The following KHDRBS2 variants were observed in gnomAD, a reference collection of about 807,000 sequenced individuals.
KHDRBS2 encodes KH domain-containing, RNA-binding, signal transduction-associated protein 2.
KHDRBS2 carries 26 observed loss-of-function variants against 44.3 expected under a neutral mutation model. That is an observed-to-expected ratio of 0.59 (90% CI 0.43 to 0.81). The LOEUF (loss-of-function observed/expected upper bound fraction) is 0.81, where lower values mean the gene tolerates loss of function less well. Ranked by LOEUF, KHDRBS2 falls within the 40% of genes least tolerant of loss-of-function variation. The pLI is 0.00. For missense variants in KHDRBS2, 476 were observed against 433.1 expected, an observed-to-expected ratio of 1.10 and a Z score of -0.88; for synonymous variants, 194 against 151.1, an observed-to-expected ratio of 1.28 and a Z score of -2.08.
At chr6:62,193,539 G>C (rs1239077721) in intron 1 of KHDRBS2, among the ~76,000 whole-genome samples, 1 of 152,106 alleles carries the variant, frequency 6.6e-6, no homozygotes, top group Non-Finnish European at 1.5e-5. Flanking sequence ...TCTAGGAAAA[G>C]ATTATACATC....
At chr6:61,763,255 G>A (rs140212734) in intron 6 of KHDRBS2, among the ~76,000 whole-genome samples, 107 of 152,180 alleles carry the variant, frequency 7.0e-4, no homozygotes, top group African/African-American at 2.3e-3. Flanking sequence ...TTCCACCTTG[G>A]GGATTTGAAA....
intron 2 of KHDRBS2, among the ~76,000 whole-genome samples, chr6:62,116,163 T>C (rs1207466211): frequency 6.6e-6 from 1 of 152,132 alleles, no homozygotes; most frequent in Non-Finnish European, 1.5e-5. Context: ...AGCTAACTAA[T>C]AGATCCATTA....
chr6:62,103,318 C>G (rs1430403998), intron 2 of KHDRBS2, among the ~76,000 whole-genome samples: 1 of 152,156 alleles, frequency 6.6e-6, no homozygotes, highest in Admixed American at 6.5e-5. Context: ...TGAAGGGGAA[C>G]AGCCTTCAGC....
rs1200870090 is a variant in KHDRBS2 at position 62,177,306 on chromosome 6, T to C, written c.98A>G (p.Glu33Gly). The C allele has an allele frequency of 1.3e-6, 2 of 1,590,894 alleles. No individual in the cohort carries two copies. The highest frequency in any genetic ancestry group is 2.2e-5 in the South Asian group (2 of 88,942). ...TTTTCCATCAGAACCTTGAAACTTT[T>C]CAATTTCTGGAAGAAAATCACAAGA... is the stretch of plus-strand genomic sequence containing the variant. ...HASRLLAEEI[E>G]KFQGSDGKKE... The change falls in exon 2 of 9, where the codon GAA becomes GGA. Residue 33 changes from glutamate (E) to glycine (G), a missense_variant. By Grantham distance (98) the Glu-to-Gly change is moderately conservative. Coordinates refer to ENST00000281156, the MANE Select transcript of KHDRBS2 (RefSeq NM_152688.4).
chr6:61,558,931 C>T, the KHDRBS2 span, among the ~76,000 whole-genome samples: 1 of 152,000 alleles, frequency 6.6e-6, no homozygotes, highest in Non-Finnish European at 1.5e-5. Flanking sequence ...TCTATTAGGT[C>T]CATTTGGTCT....
chr6:61,944,085 A>G, intron 4 of KHDRBS2, among the ~76,000 whole-genome samples: 1 of 152,196 alleles, frequency 6.6e-6, no homozygotes, highest in East Asian at 1.9e-4. Context: ...AATTAGTACA[A>G]CCACTATGGA....
intron 6 of KHDRBS2, among the ~76,000 whole-genome samples, chr6:61,805,289 A>T (rs1786971093): frequency 6.6e-6 from 1 of 152,128 alleles, no homozygotes; most frequent in Admixed American, 6.6e-5. Flanking sequence ...CCAGTCCCCA[A>T]GTTCCTCATC....
chr6:61,943,908 C>T (rs1812663004), intron 4 of KHDRBS2, among the ~76,000 whole-genome samples: 1 of 152,068 alleles, frequency 6.6e-6, no homozygotes, highest in African/African-American at 2.4e-5. Flanking sequence ...ATAAAAAATG[C>T]TCAGTATCAG....
At position 61,822,780 on chromosome 6, in the gene KHDRBS2, C is replaced by T. The variant is rs141309162; in HGVS notation, c.810+71855G>A. Among the ~76,000 whole-genome samples the T allele has an allele frequency of 4.8e-3, 737 of 152,102 alleles. 11 individuals are homozygous for T. Among genetic ancestry groups the T allele is most frequent in the African/African-American group, 0.017 (696 of 41,530 alleles). ...CTCCTTCTCAGACTCTATCTTCATT[C>T]TCTAAGCTGTGACATGGGCTATAAC... On this transcript the variant is annotated intron_variant, in intron 6 of 8. Transcript: ENST00000281156.
intron 6 of KHDRBS2, among the ~76,000 whole-genome samples, chr6:61,751,671 G>A (rs1777711122): frequency 6.6e-6 from 1 of 152,154 alleles, no homozygotes; most frequent in African/African-American, 2.4e-5. Flanking sequence ...AACCAAATTG[G>A]CACAGTCTGA....
intron 4 of KHDRBS2, among the ~76,000 whole-genome samples, chr6:61,960,610 C>G (rs977801446): frequency 1.3e-5 from 2 of 152,050 alleles, no homozygotes; most frequent in Admixed American, 6.6e-5. Flanking sequence ...GCACAAAAGT[C>G]CACATTTGTA....
chr6:61,899,743 CG>C (rs1803612958), intron 5 of KHDRBS2, among the ~76,000 whole-genome samples: 1 of 140,042 alleles, frequency 7.1e-6, no homozygotes, highest in East Asian at 2.4e-4. Flanking sequence ...GCCCCCCCCC[CG>C]CATTTTAAGG....
the KHDRBS2 span, chr6:61,652,353 AAC>A: frequency 6.6e-6 from 1 of 152,108 alleles, no homozygotes; most frequent in East Asian, 1.9e-4. Context: ...ACATGAAACA[AAC>A]ACAGATGTAC....
At chr6:61,901,730 A>G (rs902488182) in intron 4 of KHDRBS2, among the ~76,000 whole-genome samples, 1 of 152,152 alleles carries the variant, frequency 6.6e-6, no homozygotes, top group African/African-American at 2.4e-5. Flanking sequence ...ACTACAAAAT[A>G]ACTTCATTTG....
At chr6:62,198,584 G>A (rs967879549) in intron 1 of KHDRBS2, among the ~76,000 whole-genome samples, 41 of 152,098 alleles carry the variant, frequency 2.7e-4, no homozygotes, top group African/African-American at 8.9e-4. Flanking sequence ...TGAAATTGAG[G>A]CAATAATTAA....
At chr6:61,709,839 C>T (rs956306025) in intron 7 of KHDRBS2, among the ~76,000 whole-genome samples, 2 of 151,620 alleles carry the variant, frequency 1.3e-5, no homozygotes, top group Admixed American at 1.3e-4. Context: ...TTAACTATAT[C>T]ACGTGTTTCT....
At chr6:61,921,590 A>G (rs1322636036) in intron 4 of KHDRBS2, among the ~76,000 whole-genome samples, 2 of 152,056 alleles carry the variant, frequency 1.3e-5, no homozygotes, top group Non-Finnish European at 2.9e-5. Flanking sequence ...TTATCTTTTT[A>G]TGACACATCT....
At chr6:61,819,927 G>A (rs1314867036) in intron 6 of KHDRBS2, among the ~76,000 whole-genome samples, 4 of 151,998 alleles carry the variant, frequency 2.6e-5, no homozygotes, top group Non-Finnish European at 5.9e-5. Context: ...GAACAAAAGT[G>A]AAGTTCTCAA....
intron 6 of KHDRBS2, among the ~76,000 whole-genome samples, chr6:61,785,178 CA>C (rs988815240): frequency 5.4e-5 from 8 of 148,244 alleles, no homozygotes; most frequent in African/African-American, 1.0e-4. Flanking sequence ...ACAACAACAA[CA>C]AAAAAAAACA....
Sources: allele counts gnomAD v4.1 joint callset (sites outside exome capture counted in the v4.1 genomes callset), GRCh38; gene constraint gnomAD v4.1.1; transcripts MANE v1.5; gene names NCBI Gene and HGNC (gene_info 2026-07-23, HGNC 2026-07-21).